RTL9: variants seen among roughly 807,000 people sequenced by gnomAD.
RTL9 encodes the protein retrotransposon Gag-like protein 9.
A neutral mutation model predicts 44.7 loss-of-function variants in RTL9; 19 were observed. That is an observed-to-expected ratio of 0.42 (90% CI 0.30 to 0.62). The LOEUF (loss-of-function observed/expected upper bound fraction) is 0.62, where lower values mean the gene tolerates loss of function less well. RTL9 is among the 20% of genes least tolerant of loss of function. The probability of loss-of-function intolerance (pLI) is 0.16; values close to 1 mark genes in which losing one functional copy is unlikely to be tolerated. For missense variants in RTL9, 1,105 were observed against 1,080.6 expected, an observed-to-expected ratio of 1.02 and a Z score of -0.32; for synonymous variants, 407 against 398.9, an observed-to-expected ratio of 1.02 and a Z score of -0.24.
At chrX:110,382,363 C>T (rs1174897677) in intron 1 of RTL9, among the ~76,000 whole-genome samples, 1 of 110,099 alleles carries the variant, frequency 9.1e-6, no homozygotes, top group African/African-American at 3.3e-5. Context: ...CCACCACCAA[C>T]AATAAGAAAC....
At chrX:110,427,563 C>CT (rs1423583529) in intron 1 of RTL9, among the ~76,000 whole-genome samples, 2 of 111,854 alleles carry the variant, frequency 1.8e-5, no homozygotes, top group Non-Finnish European at 3.8e-5. Flanking sequence ...ATGGAGGGAG[C>CT]TTTTAAAAGT....
At chrX:110,401,646 A>G (rs1341301780) in intron 1 of RTL9, among the ~76,000 whole-genome samples, 2 of 111,658 alleles carry the variant, frequency 1.8e-5, no homozygotes, top group Non-Finnish European at 3.8e-5. Context: ...TCCTACAACC[A>G]AAGGGTGTTT....
intron 1 of RTL9, among the ~76,000 whole-genome samples, chrX:110,401,962 T>C (rs990870745): frequency 2.7e-5 from 3 of 112,193 alleles, no homozygotes; most frequent in Non-Finnish European, 5.6e-5. Flanking sequence ...TTCGCTTCCT[T>C]GTTTCTCTTT....
At chrX:110,416,658 C>G (rs1203863205), upstream of RTL9, among the ~76,000 whole-genome samples, 1 of 112,017 alleles carries the variant, frequency 8.9e-6, no homozygotes, top group Non-Finnish European at 1.9e-5. Context: ...ACATGGGCCT[C>G]TTTTTGTAGT....
intron 1 of RTL9, among the ~76,000 whole-genome samples, chrX:110,430,426 A>G (rs1176457209): frequency 2.7e-5 from 3 of 112,515 alleles, no homozygotes; most frequent in Non-Finnish European, 5.6e-5. Context: ...TATTATCTTC[A>G]CATTACAGAG....
intron 1 of RTL9, among the ~76,000 whole-genome samples, chrX:110,430,344 G>T (rs1172899782): frequency 8.9e-6 from 1 of 112,406 alleles, no homozygotes; most frequent in Non-Finnish European, 1.9e-5. Context: ...TATGTGTCAG[G>T]TATCATTCTA....
rs763792910 is a variant in RTL9 at position 110,453,054 on chromosome X, C to G, written c.2437C>G (p.Pro813Ala). The G allele has an allele frequency of 3.6e-5, 44 of 1,208,511 alleles. No individual in the cohort carries two copies. Among genetic ancestry groups the G allele is most frequent in the Non-Finnish European group, 4.9e-5 (44 of 894,669 alleles). ...AGAGATAGCCACGCCTCTGAGATCC[C>G]CAGCTTATGGAGCCATGTCTGCTCC... The change falls in exon 1 of 2, where the codon CCA becomes GCA. Residue 813 changes from proline (P) to alanine (A), a missense_variant. Transcript: ENST00000540313.
intron 1 of RTL9, among the ~76,000 whole-genome samples, chrX:110,363,544 A>G (rs927172041): frequency 8.9e-6 from 1 of 112,229 alleles, no homozygotes. Flanking sequence ...GAAAGTCCAT[A>G]TAACTAAGAC....
At chrX:110,366,034 G>C (rs1174816040) in intron 1 of RTL9, among the ~76,000 whole-genome samples, 1 of 111,652 alleles carries the variant, frequency 9.0e-6, no homozygotes, top group African/African-American at 3.3e-5. Context: ...CTGCAGACTG[G>C]CTCAGCTGCA....
intron 1 of RTL9, among the ~76,000 whole-genome samples, chrX:110,405,040 G>A (rs933288422): frequency 1.9e-5 from 2 of 107,669 alleles, no homozygotes; most frequent in African/African-American, 3.4e-5. Context: ...TCAGAGATAC[G>A]CTTTTGTCAG....
chrX:110,446,544 G>A (rs1054584401), upstream of RTL9, among the ~76,000 whole-genome samples: 1 of 110,360 alleles, frequency 9.1e-6, no homozygotes, highest in South Asian at 3.9e-4. Context: ...TTTTCTTTTC[G>A]TATTATGGGT....
intron 1 of RTL9, among the ~76,000 whole-genome samples, chrX:110,434,707 C>T (rs913549838): frequency 2.7e-5 from 3 of 111,148 alleles, no homozygotes; most frequent in African/African-American, 6.6e-5. Flanking sequence ...TGCTGGATAG[C>T]GGACATGTCC....
chrX:110,435,334 G>A (rs1226280241), intron 1 of RTL9, among the ~76,000 whole-genome samples: 2 of 111,709 alleles, frequency 1.8e-5, no homozygotes, highest in Non-Finnish European at 3.8e-5. Context: ...GGGCAGCAAG[G>A]ACAAAGACCA....
chrX:110,367,249 G>A (rs1367298084), intron 1 of RTL9, among the ~76,000 whole-genome samples: 1 of 111,673 alleles, frequency 9.0e-6, no homozygotes, highest in Non-Finnish European at 1.9e-5. Context: ...CCAAGTCATA[G>A]CCCCATTTCT....
At chrX:110,382,438 A>G (rs2068426883) in intron 1 of RTL9, among the ~76,000 whole-genome samples, 1 of 111,680 alleles carries the variant, frequency 9.0e-6, no homozygotes, top group Non-Finnish European at 1.9e-5. Flanking sequence ...TTAAAAGAGC[A>G]GAAGAGAAAC....
chrX:110,411,495 G>T (rs1176278619), intron 1 of RTL9, among the ~76,000 whole-genome samples: 1 of 112,217 alleles, frequency 8.9e-6, no homozygotes. Flanking sequence ...GTTAAAAAGA[G>T]AAACCATTAA....
At chrX:110,440,271 G>A (rs2068870493) in intron 1 of RTL9, 2 of 111,956 alleles carry the variant, frequency 1.8e-5, no homozygotes, top group African/African-American at 6.5e-5. Flanking sequence ...ACGGGTCCAG[G>A]GTAGAGAGCT....
At chrX:110,374,353 T>A (rs1271451872) in intron 1 of RTL9, among the ~76,000 whole-genome samples, 2 of 112,250 alleles carry the variant, frequency 1.8e-5, no homozygotes, top group African/African-American at 6.5e-5. Flanking sequence ...ATGAATATGT[T>A]TTAAATGCAT....
At position 110,364,955 on chromosome X, in the gene RTL9, C is replaced by T. The variant is rs146167777; in HGVS notation, c.-168+6039C>T. Among the ~76,000 whole-genome samples, 510 of 111,946 alleles carry T rather than the reference C, an allele frequency of 4.6e-3. 2 individuals carry two copies. Among genetic ancestry groups the T allele is most frequent in the African/African-American group, 0.015 (471 of 30,823 alleles). On this transcript the variant is annotated intron_variant, in intron 1 of 2. Coordinates refer to the RTL9 transcript ENST00000520821. Reference sequence around the variant, plus strand: ...CACAAGGAAGATGTCTCTAGGAGTTCATTATCACATTAAGACAAGGATTCT... The same window carrying T: ...CACAAGGAAGATGTCTCTAGGAGTTTATTATCACATTAAGACAAGGATTCT...
Sources: gnomAD v4.1 joint callset for allele counts (sites outside exome capture counted in the v4.1 genomes callset) on GRCh38, gnomAD v4.1.1 for gene constraint, MANE v1.5 for transcripts, NCBI Gene and HGNC (gene_info 2026-07-23, HGNC 2026-07-21) for gene names.